The following SAMMSON variants were observed in gnomAD, a reference collection of about 807,000 sequenced individuals.
SAMMSON encodes the protein long intergenic non-protein coding RNA 1212.
chr3:70,347,368 T>C (rs1027864492), intron 7 of SAMMSON, among the ~76,000 whole-genome samples: 1 of 152,226 alleles, frequency 6.6e-6, no homozygotes. Context: ...CAAACTTGGC[T>C]CTTGGCTTTT....
chr3:70,056,419 G>A (rs570257136), intron 3 of SAMMSON, among the ~76,000 whole-genome samples: 1 of 152,106 alleles, frequency 6.6e-6, no homozygotes, highest in East Asian at 1.9e-4. Context: ...CTTAAGAACT[G>A]TATCTGTTCA....
chr3:70,384,997 G>A (rs1039461328), intron 9 of SAMMSON, among the ~76,000 whole-genome samples: 1 of 152,018 alleles, frequency 6.6e-6, no homozygotes, highest in Non-Finnish European at 1.5e-5. Context: ...ATGTGCCAGT[G>A]CTAACATATG....
intron 4 of SAMMSON, among the ~76,000 whole-genome samples, chr3:70,164,958 CAG>C (rs1447717458): frequency 2.0e-5 from 3 of 151,994 alleles, no homozygotes; most frequent in Non-Finnish European, 4.4e-5. Flanking sequence ...TTTGAAGAAA[CAG>C]TGCATTAGTA....
At chr3:70,373,103 C>T (rs1164143489) in intron 9 of SAMMSON, among the ~76,000 whole-genome samples, 2 of 152,068 alleles carry the variant, frequency 1.3e-5, no homozygotes, top group African/African-American at 4.8e-5. Context: ...CTTGACATTC[C>T]AATATTTCTT....
chr3:70,066,131 T>C (rs892223439), intron 3 of SAMMSON, among the ~76,000 whole-genome samples: 3 of 152,114 alleles, frequency 2.0e-5, no homozygotes, highest in African/African-American at 7.2e-5. Flanking sequence ...GTTGCCAAGT[T>C]AGGCAAGAAA....
At chr3:70,257,008 T>C (rs1283448804) in intron 6 of SAMMSON, among the ~76,000 whole-genome samples, 1 of 152,034 alleles carries the variant, frequency 6.6e-6, no homozygotes, top group Non-Finnish European at 1.5e-5. Flanking sequence ...GCAAGTCCAG[T>C]GGTGGAGAGA....
chr3:70,187,363 G>T (rs945382842), intron 4 of SAMMSON, among the ~76,000 whole-genome samples: 1 of 149,456 alleles, frequency 6.7e-6, no homozygotes, highest in Non-Finnish European at 1.5e-5. Context: ...TCTTTTTGCT[G>T]AAGTCTCATA....
At chr3:70,188,219 C>G (rs1385112563) in intron 4 of SAMMSON, among the ~76,000 whole-genome samples, 2 of 152,156 alleles carry the variant, frequency 1.3e-5, no homozygotes, top group Admixed American at 6.5e-5. Flanking sequence ...CAGACAAACT[C>G]TAGAGTTCAA....
intron 4 of SAMMSON, among the ~76,000 whole-genome samples, chr3:70,085,893 A>G (rs1282666686): frequency 1.3e-5 from 2 of 152,236 alleles, no homozygotes; most frequent in East Asian, 3.9e-4. Context: ...AAGCTGATCA[A>G]CAAATGAAAC....
intron 4 of SAMMSON, among the ~76,000 whole-genome samples, chr3:70,174,343 C>T (rs1476728745): frequency 6.6e-6 from 1 of 151,886 alleles, no homozygotes; most frequent in African/African-American, 2.4e-5. Context: ...TTTAAGTACA[C>T]TTTAAGGGAG....
At chr3:70,431,136 G>A (rs943538748) in intron 2 of SAMMSON, among the ~76,000 whole-genome samples, 2 of 152,154 alleles carry the variant, frequency 1.3e-5, no homozygotes, top group African/African-American at 4.8e-5. Flanking sequence ...AAACTTACGA[G>A]AGTATATGGA....
intron 3 of SAMMSON, among the ~76,000 whole-genome samples, chr3:70,031,889 A>G (rs909307350): frequency 1.1e-4 from 16 of 152,320 alleles, no homozygotes; most frequent in African/African-American, 3.8e-4. Flanking sequence ...GTAAGCATGC[A>G]ACAAAGAGTT....
chr3:70,052,082 A>G (rs1276329785), intron 3 of SAMMSON, among the ~76,000 whole-genome samples: 1 of 152,172 alleles, frequency 6.6e-6, no homozygotes, highest in Non-Finnish European at 1.5e-5. Context: ...TGGGCAATAC[A>G]GCGAGGACCT....
chr3:70,216,488 A>G (rs1701413491), intron 4 of SAMMSON, among the ~76,000 whole-genome samples: 1 of 152,058 alleles, frequency 6.6e-6, no homozygotes. Context: ...ATATCAAATA[A>G]CTTACCCAGA....
intron 4 of SAMMSON, among the ~76,000 whole-genome samples, chr3:70,140,772 C>G (rs1467531112): frequency 6.6e-6 from 1 of 152,178 alleles, no homozygotes; most frequent in Non-Finnish European, 1.5e-5. Flanking sequence ...CAACCAAGTT[C>G]TCTTCCAGTT....
chr3:70,063,312 G>A (rs941457802), intron 3 of SAMMSON, among the ~76,000 whole-genome samples: 1 of 152,236 alleles, frequency 6.6e-6, no homozygotes, highest in Admixed American at 6.5e-5. Context: ...CTGCAACTTT[G>A]TGAATATTTT....
At chr3:70,020,002 GA>G (rs2067005216) in intron 3 of SAMMSON, among the ~76,000 whole-genome samples, 1 of 152,094 alleles carries the variant, frequency 6.6e-6, no homozygotes, top group African/African-American at 2.4e-5. Flanking sequence ...AGAAGCTCAG[GA>G]AATTCTTGCT....
rs192741518 is a variant in SAMMSON, at chr3:70,142,261, C to T, written n.507+70696C>T. Among the ~76,000 whole-genome samples the T allele has an allele frequency of 1.2e-4, 18 of 152,126 alleles. 1 individual carries two copies. In the South Asian group the frequency reaches 1.9e-3, roughly 16 times the overall value. ...TTTATAGCAGCACAATTCACAATTG[C>T]GAAAACATGGAACCAACCCAAGTGG... On this transcript the variant is annotated intron_variant and non_coding_transcript_variant, in intron 4 of 9. Transcript: ENST00000642114.
chr3:70,355,110 C>G (rs1414700942), intron 8 of SAMMSON, among the ~76,000 whole-genome samples: 1 of 152,160 alleles, frequency 6.6e-6, no homozygotes. Context: ...AGGTGCCTAA[C>G]TCTCGGGTAG....
Sources: allele counts gnomAD v4.1 joint callset (sites outside exome capture counted in the v4.1 genomes callset), GRCh38; gene constraint gnomAD v4.1.1; transcripts MANE v1.5; gene names NCBI Gene and HGNC (gene_info 2026-07-23, HGNC 2026-07-21).